Variants in TRIM28 observed in about 807,000 individuals in gnomAD.
TRIM28 encodes tripartite motif containing 28.
Under a neutral mutation model 87.4 loss-of-function variants are expected in TRIM28, and 8 were observed. That is an observed-to-expected ratio of 0.09 (90% CI 0.05 to 0.17). The LOEUF (loss-of-function observed/expected upper bound fraction) is 0.17, where lower values mean the gene tolerates loss of function less well. TRIM28 is among the 10% of genes least tolerant of loss of function. TRIM28 has a pLI of 1.00. For missense variants in TRIM28, 968 were observed against 1,131.8 expected, an observed-to-expected ratio of 0.86 and a Z score of 2.08; for synonymous variants, 601 against 454.3, an observed-to-expected ratio of 1.32 and a Z score of -4.11.
chr19:58,547,820 C>T lies in TRIM28; in HGVS notation c.868C>T (p.Arg290Cys). Residue 290 changes from arginine (R) to cysteine (C), a missense_variant, in exon 6 of 17, where the codon CGT (arginine) becomes TGT (cysteine). Transcript: ENST00000253024. ...SIRQVSDVQK[R>C]VQVDVKMAIL... Reference sequence around the variant, plus strand: ...CCGCCAGGTGTCTGACGTACAGAAGCGTGTGCAAGTGGATGTCAAGATGGC... The same window carrying T: ...CCGCCAGGTGTCTGACGTACAGAAGTGTGTGCAAGTGGATGTCAAGATGGC... The T allele has an allele frequency of 6.2e-7, 1 of 1,614,144 alleles. No individual in the cohort carries two copies.
chr19:58,545,724 A>T (rs746644612), intron 2 of TRIM28, 40 bp from the exon 3 acceptor site: 2 of 1,586,156 alleles, frequency 1.3e-6, no homozygotes, highest in South Asian at 2.2e-5. Context: ...TGGATCTATC[A>T]AGTTGTCTTG....
chr19:58,546,304 G>A (rs1268243519), intron 3 of TRIM28, among the ~76,000 whole-genome samples: 1 of 152,148 alleles, frequency 6.6e-6, no homozygotes, highest in African/African-American at 2.4e-5. Context: ...TGGGTCCATG[G>A]ATTATAAGTG....
rs201828911 is a variant in TRIM28, at chr19:58,548,789, G to T, written c.1360+13G>T. 5.0e-5 allele frequency: 80 copies of T among 1,614,112 alleles called. 1 individual carries two copies. The East Asian group carries it at 1.1e-3, about 22-fold the overall frequency. ...GGCTTTGGGTCAGGTGAGTGGGTCT[G>T]CCTAGTGGGTGGGGAAGGGCCCCAG... is the stretch of plus-strand genomic sequence containing the variant. On this transcript the variant is annotated intron_variant, in intron 10 of 16. Coordinates refer to ENST00000253024, the MANE Select transcript of TRIM28 (RefSeq NM_005762.3).
chr19:58,546,050 C>G (rs964767784), intron 3 of TRIM28, among the ~76,000 whole-genome samples, 154 bp downstream of exon 3: 1 of 152,156 alleles, frequency 6.6e-6, no homozygotes, highest in African/African-American at 2.4e-5. Flanking sequence ...AGCAGAAAAA[C>G]TGGGGTTGTG....
chr19:58,549,213 A>T lies in TRIM28; in HGVS notation c.1635A>T (p.Pro545=). The change falls in exon 12 of 17, where the codon CCA becomes CCT. Residue 545 remains proline (P), a synonymous_variant. Coordinates refer to ENST00000253024, the MANE Select transcript of TRIM28 (RefSeq NM_005762.3). This position sits in a 1 kb window ranked among gnomAD's most constrained non-coding sequence, Gnocchi z 4.4. The part of the protein sequence containing the change: ...GTAPAGTPGA[P]PLAGMAIVKE... ...CGCCTGCAGGAACCCCTGGTGCCCC[A>T]CCCCTGGCTGGCATGGCCATTGTCA... is the stretch of plus-strand genomic sequence containing the variant. The T allele has an allele frequency of 6.2e-7, 1 of 1,613,518 alleles. No homozygotes were observed. Among genetic ancestry groups the T allele is most frequent in the Non-Finnish European group, 8.5e-7 (1 of 1,179,720 alleles).
chr19:58,545,028 T>C lies in TRIM28; in HGVS notation c.271T>C (p.Cys91Arg). The C allele has an allele frequency of 1.4e-6, 2 of 1,480,672 alleles. No homozygotes were observed. The highest frequency in any genetic ancestry group is 1.8e-6 in the Non-Finnish European group (2 of 1,129,498). 91.7% of individuals were successfully genotyped at this position (1,480,672 alleles called of 1,614,324 possible). A position where few individuals can be genotyped will look rare whatever the true frequency, so the allele number is the denominator to read the frequency against. Residue 91 changes from cysteine (C) to arginine (R), a missense_variant, in exon 1 of 17, where the codon TGC (cysteine) becomes CGC (arginine). This residue lies in a region of TRIM28 where 208 missense variants were observed against 170.9 expected (regional missense o/e 1.22). Coordinates refer to ENST00000253024, the MANE Select transcript of TRIM28 (RefSeq NM_005762.3). Reference sequence around the variant, plus strand: ...CTGTTTGCACTCGGCCTGTAGTGCCTGCTTAGGGCCCGCGGCCCCCGCCGC... The same window carrying C: ...CTGTTTGCACTCGGCCTGTAGTGCCCGCTTAGGGCCCGCGGCCCCCGCCGC... ...LPCLHSACSA[C>R]LGPAAPAAAN... is the part of the protein sequence containing the mutation.
In TRIM28 at chr19:58,545,228, G is replaced by T; in HGVS notation, c.340+131G>T. The T allele has an allele frequency of 4.1e-6, 4 of 969,812 alleles. 1 individual carries two copies. The South Asian group carries it at 7.0e-5, about 17-fold the overall frequency. 60.1% of individuals were successfully genotyped at this position (969,812 alleles called of 1,614,324 possible). On this transcript the variant is annotated intron_variant, in intron 1 of 16. Transcript: ENST00000253024. ...ACAGGGCACGGGAAATACTTTCTGG[G>T]TCCTGCATACGAACGTGGGTTTGTG...
At position 58,547,724 on chromosome 19, in the gene TRIM28, GT is replaced by G. The variant is rs2053773736; in HGVS notation, c.839+13del. ...GGAGGTTCGCAGCTCGTAAGTGTGGGTTCTGGGGCTGTGGGGGTGGCCCAGG... is the reference window on the plus strand; with the variant it reads ...GGAGGTTCGCAGCTCGTAAGTGTGGGTCTGGGGCTGTGGGGGTGGCCCAGG... On this transcript the variant is annotated intron_variant, in intron 5 of 16. Coordinates refer to ENST00000253024, the MANE Select transcript of TRIM28 (RefSeq NM_005762.3). The G allele has an allele frequency of 6.2e-7, 1 of 1,613,960 alleles. No homozygotes were observed. Among genetic ancestry groups the G allele is most frequent in the Non-Finnish European group, 8.5e-7 (1 of 1,179,990 alleles).
intron 3 of TRIM28, 96 bp from the exon 4 acceptor site, chr19:58,547,280 C>T: frequency 1.3e-6 from 2 of 1,511,816 alleles, no homozygotes; most frequent in Non-Finnish European, 1.8e-6. Flanking sequence ...GGCCCAGTGT[C>T]ACAGAACAGG....
At chr19:58,547,751 G>A in intron 5 of TRIM28, 38 bp downstream of exon 5, 9 of 1,613,690 alleles carry the variant, frequency 5.6e-6, no homozygotes, top group Non-Finnish European at 7.6e-6. Context: ...GTGGCCCAGG[G>A]CAGCAAGACC....
chr19:58,546,473 A>G (rs73941462), intron 3 of TRIM28, among the ~76,000 whole-genome samples: 129 of 152,322 alleles, frequency 8.5e-4, no homozygotes, highest in African/African-American at 2.9e-3. Flanking sequence ...GAATCCTCCC[A>G]TGAGTGGCCT....
intron 9 of TRIM28, 68 bp downstream of exon 9, chr19:58,548,660 C>T: frequency 6.4e-7 from 1 of 1,572,338 alleles, no homozygotes; most frequent in Non-Finnish European, 8.6e-7. Flanking sequence ...AGAGAGGACC[C>T]AGGCAGGGGG....
Position 58,544,707 on chromosome 19 carries a change from G to C in TRIM28, c.-51G>C. 1.2e-6 allele frequency: 1 copy of C among 855,908 alleles called. No individual in the cohort carries two copies. The allele number at this position is 855,908 out of a possible 1,614,324, so 53.0% of individuals were successfully genotyped here. A position where few individuals can be genotyped will look rare whatever the true frequency, so the allele number is the denominator to read the frequency against. ...GCGGCGAGCGCGTCTGCGCCTGCGC[G>C]GCGGGCCCCGCGCCCCTCCTCCCCC... On this transcript the variant is annotated 5_prime_UTR_variant, in exon 1 of 17. Transcript: ENST00000253024.
rs776751899 is a variant in TRIM28 at position 58,549,932 on chromosome 19, C to T, written c.2107-17C>T. 1 of 1,613,864 alleles carries T rather than the reference C, an allele frequency of 6.2e-7. No homozygotes were observed. The highest frequency in any genetic ancestry group is 1.3e-5 in the African/African-American group (1 of 74,874). On this transcript the variant is annotated splice_polypyrimidine_tract_variant and intron_variant, in intron 14 of 16. Transcript: ENST00000253024. This position sits in a 1 kb window ranked among gnomAD's most constrained non-coding sequence, Gnocchi z 4.4. Reference sequence around the variant, plus strand: ...AGGTGCTGCCCAGAGCTGTGACATCCCTTACAATGTTTGTAGAAATGTGAG... The same window carrying T: ...AGGTGCTGCCCAGAGCTGTGACATCTCTTACAATGTTTGTAGAAATGTGAG...
At position 58,547,620 on chromosome 19, in the gene TRIM28, T is replaced by C; in HGVS notation, c.746T>C (p.Val249Ala). The change falls in exon 5 of 17, where the codon GTG becomes GCG. Residue 249 changes from valine (V) to alanine (A), a missense_variant. Transcript: ENST00000253024. ...DHQYQFLEDAVRNQRKLLASL... is the reference protein window; with the variant it reads ...DHQYQFLEDAARNQRKLLASL... ...AGGTACCAGTTCTTAGAGGATGCAG[T>C]GAGGAACCAGCGCAAGCTCCTGGCC... 6.2e-7 allele frequency: 1 copy of C among 1,613,964 alleles called. No individual in the cohort carries two copies. Among genetic ancestry groups the C allele is most frequent in the Non-Finnish European group, 8.5e-7 (1 of 1,180,006 alleles).
intron 16 of TRIM28, 22 bp downstream of exon 16, chr19:58,550,306 G>A (rs757408357): frequency 8.7e-6 from 14 of 1,613,806 alleles, no homozygotes; most frequent in Non-Finnish European, 1.7e-6. Flanking sequence ...GAATGGAGAG[G>A]CTGTGGGCAG....
chr19:58,544,834 C>G lies in TRIM28; in HGVS notation c.77C>G (p.Ser26Cys), dbSNP rs1298204699. ...GGCAGCCCGGGCCCGGGCGAGGGCT[C>G]CGCTGGCGGCGAAAAGCGCTCCACC... ...ASGSPGPGEG[S>C]AGGEKRSTAP... The change falls in exon 1 of 17, where the codon TCC (serine) becomes TGC (cysteine). Residue 26 changes from serine (S) to cysteine (C), a missense_variant. By Grantham distance (112) the Ser-to-Cys change is moderately radical (BLOSUM62 -1). This residue lies in a region of TRIM28 where 208 missense variants were observed against 170.9 expected (regional missense o/e 1.22). Coordinates refer to ENST00000253024, the MANE Select transcript of TRIM28 (RefSeq NM_005762.3). The G allele has an allele frequency of 3.9e-6, 5 of 1,278,818 alleles. No individual in the cohort carries two copies. Among genetic ancestry groups the G allele is most frequent in the Non-Finnish European group, 4.9e-6 (5 of 1,013,024 alleles). The allele number at this position is 1,278,818 out of a possible 1,614,324, so 79.2% of individuals were successfully genotyped here.
Position 58,549,191 on chromosome 19 carries a change from C to T in TRIM28, c.1613C>T (p.Pro538Leu). 1.2e-6 allele frequency: 2 copies of T among 1,613,932 alleles called. No individual in the cohort carries two copies. Among genetic ancestry groups the T allele is most frequent in the Non-Finnish European group, 1.7e-6 (2 of 1,179,922 alleles). ...GCTACCGGCCAGCCAGGGACTGCGC[C>T]TGCAGGAACCCCTGGTGCCCCACCC... ...AAATGQPGTAPAGTPGAPPLA... is the reference protein window; with the variant it reads ...AAATGQPGTALAGTPGAPPLA... The change falls in exon 12 of 17, where the codon CCT becomes CTT. Residue 538 changes from proline (P) to leucine (L), a missense_variant. Coordinates refer to ENST00000253024, the MANE Select transcript of TRIM28 (RefSeq NM_005762.3). This position sits in a 1 kb window ranked among gnomAD's most constrained non-coding sequence, Gnocchi z 4.4.
intron 15 of TRIM28, 23 bp from the exon 16 acceptor site, chr19:58,550,124 G>A: frequency 1.9e-6 from 3 of 1,613,762 alleles, no homozygotes; most frequent in Non-Finnish European, 2.5e-6. Context: ...CTTTGTGTGT[G>A]TATGTGTGAT....
Sources: gnomAD v4.1 joint callset for allele counts (sites outside exome capture counted in the v4.1 genomes callset) on GRCh38, gnomAD v4.1.1 for gene constraint, gnomAD v4.1.1 regional missense constraint, Gnocchi (gnomAD v3.1) non-coding constraint, MANE v1.5 for transcripts, NCBI Gene and HGNC (gene_info 2026-07-23, HGNC 2026-07-21) for gene names.